The following SEMA5A variants were observed in gnomAD, a reference collection of about 807,000 sequenced individuals.
SEMA5A encodes semaphorin 5A.
A neutral mutation model predicts 135.5 loss-of-function variants in SEMA5A; 55 were observed. The ratio of observed to expected loss-of-function variants is 0.41; its 90% CI spans 0.33 to 0.51. The LOEUF (loss-of-function observed/expected upper bound fraction) is 0.51. Ranked by LOEUF, SEMA5A falls within the 20% of genes least tolerant of loss-of-function variation. SEMA5A has a pLI of 0.37. For synonymous variants in SEMA5A, 580 were observed against 546.5 expected, an observed-to-expected ratio of 1.06 and a Z score of -0.85; for missense variants, 1,290 against 1,419.9, an observed-to-expected ratio of 0.91 and a Z score of 1.47.
intron 12 of SEMA5A, among the ~76,000 whole-genome samples, chr5:9,144,723 A>T (rs1173901278): frequency 1.3e-5 from 2 of 152,138 alleles, no homozygotes; most frequent in East Asian, 3.9e-4. Context: ...TGAGACAGGG[A>T]ATTATTGCAA....
chr5:9,531,454 A>T (rs1737432469), intron 1 of SEMA5A, among the ~76,000 whole-genome samples: 1 of 152,190 alleles, frequency 6.6e-6, no homozygotes, highest in African/African-American at 2.4e-5. Flanking sequence ...CCAGATGGGC[A>T]TGTACCTTTG....
intron 5 of SEMA5A, among the ~76,000 whole-genome samples, chr5:9,313,162 C>A (rs1752221113): frequency 6.6e-6 from 1 of 152,162 alleles, no homozygotes; most frequent in Non-Finnish European, 1.5e-5. Flanking sequence ...TATTCAACAT[C>A]CGCTTTCTCA....
At chr5:9,121,494 T>A (rs1188919783) in intron 14 of SEMA5A, among the ~76,000 whole-genome samples, 1 of 152,242 alleles carries the variant, frequency 6.6e-6, no homozygotes, top group Non-Finnish European at 1.5e-5. Context: ...ATAAATAAGT[T>A]ATAGCAATTC....
chr5:9,052,460 C>T lies in SEMA5A; in HGVS notation c.2690-432G>A, dbSNP rs116942076. Reference sequence around the variant, plus strand: ...TCCTGAAACATTCCTGAAAATTCTCCACCTTCCTCTGTGCTCAGGCGAGAG... The same window carrying T: ...TCCTGAAACATTCCTGAAAATTCTCTACCTTCCTCTGTGCTCAGGCGAGAG... On this transcript the variant is annotated intron_variant, in intron 19 of 22. Transcript: ENST00000382496. 2.9e-4 allele frequency among the ~76,000 whole-genome samples: 44 copies of T among 152,302 alleles called. No homozygotes were observed. The East Asian group carries it at 6.4e-3, about 22-fold the overall frequency.
chr5:9,270,523 T>G (rs1269846017), intron 5 of SEMA5A, among the ~76,000 whole-genome samples: 2 of 152,022 alleles, frequency 1.3e-5, no homozygotes, highest in African/African-American at 4.8e-5. Context: ...CTTTCTAGAT[T>G]CTGGCCAGAA....
At chr5:9,155,508 C>T (rs1281363002) in intron 11 of SEMA5A, among the ~76,000 whole-genome samples, 1 of 151,242 alleles carries the variant, frequency 6.6e-6, no homozygotes, top group Non-Finnish European at 1.5e-5. Flanking sequence ...CCCGCAACTC[C>T]TTGCTGACAC....
intron 12 of SEMA5A, among the ~76,000 whole-genome samples, chr5:9,154,083 A>ATGTG (rs1202687605): frequency 1.2e-5 from 1 of 84,334 alleles, no homozygotes; most frequent in Non-Finnish European, 2.4e-5. Context: ...ATATATATAT[A>ATGTG]TATATATATA....
chr5:9,158,166 T>C (rs1315115511), intron 11 of SEMA5A, among the ~76,000 whole-genome samples: 1 of 152,168 alleles, frequency 6.6e-6, no homozygotes, highest in Non-Finnish European at 1.5e-5. Context: ...AATGTCATTA[T>C]TACTCCCACA....
intron 3 of SEMA5A, among the ~76,000 whole-genome samples, chr5:9,343,388 G>T (rs931124355): frequency 6.6e-6 from 1 of 152,110 alleles, no homozygotes; most frequent in African/African-American, 2.4e-5. Flanking sequence ...GGGGGGCAGG[G>T]ACAAGGTACT....
In SEMA5A at chr5:9,050,449, C is replaced by CAGAT; in HGVS notation, c.2850_2853dup (p.Val952IlefsTer7). 6.2e-7 allele frequency: 1 copy of CAGAT among 1,612,492 alleles called. No individual in the cohort carries two copies. The highest frequency in any genetic ancestry group is 8.5e-7 in the Non-Finnish European group (1 of 1,179,328). ...TCTTCTACGCTACTGGATCTTGCCA[C>CAGAT]AGATACTTCTGGAAAAAGAAAAGTC... is the stretch of plus-strand genomic sequence containing the variant. On this transcript the variant is annotated frameshift_variant, in exon 21 of 23. Coordinates refer to ENST00000382496, the MANE Select transcript of SEMA5A (RefSeq NM_003966.3). LOFTEE classifies it high-confidence loss of function.
chr5:9,288,677 A>G (rs1035699595), intron 5 of SEMA5A, among the ~76,000 whole-genome samples: 1 of 152,210 alleles, frequency 6.6e-6, no homozygotes, highest in African/African-American at 2.4e-5. Flanking sequence ...CATTTTCTAA[A>G]ATTAGGGCAA....
intron 5 of SEMA5A, among the ~76,000 whole-genome samples, chr5:9,270,048 A>T (rs1207555578): frequency 6.6e-6 from 1 of 152,130 alleles, no homozygotes; most frequent in East Asian, 1.9e-4. Context: ...AATTATTAAT[A>T]CATGCAAGGT....
Position 9,154,484 on chromosome 5 carries a change from C to CT in SEMA5A, c.1481+3dup. ...AGTGCATCCTGACCCCGGAGATGCC[C>CT]TACCTGCGTGTGCGGTAGAACTGGC... On this transcript the variant is annotated splice_donor_region_variant and intron_variant, in intron 12 of 22. Transcript: ENST00000382496. 1.9e-6 allele frequency: 3 copies of CT among 1,611,920 alleles called. No individual in the cohort carries two copies. The South Asian group carries it at 3.3e-5, about 18-fold the overall frequency.
intron 21 of SEMA5A, among the ~76,000 whole-genome samples, chr5:9,049,298 A>G (rs535889626): frequency 2.0e-5 from 3 of 152,224 alleles, no homozygotes; most frequent in Admixed American, 1.3e-4. Context: ...ACTAGCTGGG[A>G]CTACAGGTGT....
chr5:9,051,210 C>A (rs1237522623), intron 20 of SEMA5A, among the ~76,000 whole-genome samples: 2 of 152,126 alleles, frequency 1.3e-5, no homozygotes, highest in Non-Finnish European at 2.9e-5. Context: ...CGAAAGAAAA[C>A]AAAGAAAACT....
At chr5:9,490,951 G>A (rs1281301182) in intron 1 of SEMA5A, among the ~76,000 whole-genome samples, 3 of 152,204 alleles carry the variant, frequency 2.0e-5, no homozygotes, top group Admixed American at 1.3e-4. Context: ...AGTTACAGCA[G>A]GTACTGCACC....
At chr5:9,119,241 A>C (rs749179393) in intron 14 of SEMA5A, 100 bp from the exon 15 acceptor site, 111 of 1,430,986 alleles carry the variant, frequency 7.8e-5, no homozygotes, top group Non-Finnish European at 6.7e-5. Flanking sequence ...CAGGAGGATC[A>C]CGCTTGGGGC....
chr5:9,060,543 C>G (rs951494866), intron 18 of SEMA5A, among the ~76,000 whole-genome samples: 1 of 152,074 alleles, frequency 6.6e-6, no homozygotes, highest in Non-Finnish European at 1.5e-5. Flanking sequence ...TCTCAGCCCC[C>G]AGAGGAGGAC....
chr5:9,494,960 A>T (rs1735225394), intron 1 of SEMA5A, among the ~76,000 whole-genome samples: 1 of 152,302 alleles, frequency 6.6e-6, no homozygotes, highest in South Asian at 2.1e-4. Context: ...TTCTTTTAAA[A>T]ATTTTTAACT....
Sources: allele counts gnomAD v4.1 joint callset (sites outside exome capture counted in the v4.1 genomes callset), GRCh38; gene constraint gnomAD v4.1.1; transcripts MANE v1.5; gene names NCBI Gene and HGNC (gene_info 2026-07-23, HGNC 2026-07-21).